Variants in EXOC4 observed in about 807,000 individuals in gnomAD.
EXOC4 encodes exocyst complex component 4.
Under a neutral mutation model 107.2 loss-of-function variants are expected in EXOC4, and 71 were observed. That is an observed-to-expected ratio of 0.66 (90% CI 0.55 to 0.81). EXOC4 has a LOEUF of 0.81. Ranked by LOEUF, EXOC4 falls within the 30% of genes least tolerant of loss-of-function variation. The pLI, the probability that EXOC4 is intolerant of heterozygous loss-of-function variation, is 0.00. For synonymous variants in EXOC4, 456 were observed against 441.2 expected, an observed-to-expected ratio of 1.03 and a Z score of -0.42; for missense variants, 1,108 against 1,189.6, an observed-to-expected ratio of 0.93 and a Z score of 1.01.
chr7:133,265,502 C>T (rs867362414), intron 1 of EXOC4, among the ~76,000 whole-genome samples: 63 of 151,944 alleles, frequency 4.1e-4, no homozygotes, highest in Admixed American at 2.0e-3. Flanking sequence ...GGCAGGGATT[C>T]GGTGACATAG....
At chr7:134,081,789 TTTGGAGGTGAAGGG>T in the EXOC4 span, among the ~76,000 whole-genome samples, 7 of 151,974 alleles carry the variant, frequency 4.6e-5, no homozygotes, top group African/African-American at 1.2e-4. Context: ...GAGAAGCAGG[TTTGGAGGTGAAGGG>T]TTGGAGGTGA....
chr7:133,378,324 A>AG (rs1377024583), intron 7 of EXOC4, among the ~76,000 whole-genome samples: 1 of 151,028 alleles, frequency 6.6e-6, no homozygotes, highest in Non-Finnish European at 1.5e-5. Context: ...AAAAAAAAAA[A>AG]AGAGTTTTTC....
In EXOC4 at chr7:133,257,357, TAC is replaced by T. The variant is rs1236569840; in HGVS notation, c.86+4177_86+4178del. Among the ~76,000 whole-genome samples, 4 of 136,804 alleles carry T rather than the reference TAC, an allele frequency of 2.9e-5. No homozygotes were observed. In the East Asian group the frequency reaches 6.0e-4, roughly 21 times the overall value. 89.7% of individuals were successfully genotyped at this position (136,804 alleles called of 152,430 possible). On this transcript the variant is annotated intron_variant, in intron 1 of 17. Transcript: ENST00000253861. ...CTGCTGATGTACAATTTGGATGGTT[TAC>T]ACACACGCACACACACACACACACA...
At chr7:133,829,705 G>T (rs1242056268) in intron 11 of EXOC4, among the ~76,000 whole-genome samples, 1 of 152,184 alleles carries the variant, frequency 6.6e-6, no homozygotes, top group African/African-American at 2.4e-5. Context: ...CCTCACCTCT[G>T]TGTCCACAGG....
intron 1 of EXOC4, among the ~76,000 whole-genome samples, chr7:133,270,890 C>T (rs1287012444): frequency 1.3e-5 from 2 of 151,490 alleles, no homozygotes; most frequent in Non-Finnish European, 2.9e-5. Flanking sequence ...GAACTTTCTC[C>T]CTGGAATTAG....
At chr7:134,078,448 T>G in the EXOC4 span, among the ~76,000 whole-genome samples, 1 of 152,162 alleles carries the variant, frequency 6.6e-6, no homozygotes, top group African/African-American at 2.4e-5. Context: ...GATGTCTAAT[T>G]ATCTCACTGG....
chr7:133,734,940 G>C lies in EXOC4; in HGVS notation c.1515-82385G>C, dbSNP rs796093953. 2.6e-5 allele frequency among the ~76,000 whole-genome samples: 4 copies of C among 151,534 alleles called. 1 individual carries two copies. The highest frequency in any genetic ancestry group is 6.6e-5 in the Admixed American group (1 of 15,210). On this transcript the variant is annotated intron_variant, in intron 10 of 17. Coordinates refer to ENST00000253861, the MANE Select transcript of EXOC4 (RefSeq NM_021807.4). ...TCGTAAATGTTAAAGGCCAGGCACG[G>C]TGGCTCACGCCTGTAATCCCAGCAC...
At chr7:133,989,222 A>G (rs1394087596) in intron 14 of EXOC4, among the ~76,000 whole-genome samples, 2 of 152,236 alleles carry the variant, frequency 1.3e-5, no homozygotes, top group Non-Finnish European at 2.9e-5. Flanking sequence ...TTGATGTATC[A>G]CCTATAAAAA....
At chr7:133,636,182 T>C (rs996429124) in intron 10 of EXOC4, among the ~76,000 whole-genome samples, 45 of 152,198 alleles carry the variant, frequency 3.0e-4, no homozygotes, top group Non-Finnish European at 7.3e-5. Context: ...TTGATGACAG[T>C]GTCTTGGTAG....
chr7:133,943,373 TTA>T (rs1800476137), intron 14 of EXOC4, among the ~76,000 whole-genome samples: 1 of 152,212 alleles, frequency 6.6e-6, no homozygotes. Flanking sequence ...CCTATTGATG[TTA>T]ACTAATGCTA....
chr7:133,597,631 C>T (rs1400793705), intron 9 of EXOC4, among the ~76,000 whole-genome samples: 6 of 150,488 alleles, frequency 4.0e-5, no homozygotes, highest in Non-Finnish European at 5.9e-5. Flanking sequence ...GATCATTCTT[C>T]GGCTATACAG....
intron 10 of EXOC4, among the ~76,000 whole-genome samples, chr7:133,638,797 A>G (rs950633037): frequency 6.6e-6 from 1 of 152,214 alleles, no homozygotes; most frequent in Non-Finnish European, 1.5e-5. Flanking sequence ...ACCTAAAATC[A>G]GCATGACTTT....
intron 10 of EXOC4, among the ~76,000 whole-genome samples, chr7:133,806,902 A>G (rs1292080241): frequency 6.6e-6 from 1 of 152,190 alleles, no homozygotes; most frequent in African/African-American, 2.4e-5. Flanking sequence ...ATTACTTAAA[A>G]CAATGCTGGC....
intron 3 of EXOC4, among the ~76,000 whole-genome samples, chr7:133,300,002 A>C (rs1023524288): frequency 6.6e-6 from 1 of 152,092 alleles, no homozygotes; most frequent in African/African-American, 2.4e-5. Flanking sequence ...ACATGCAGTA[A>C]CCCTGGCAGT....
chr7:133,789,794 C>T (rs954131051), intron 10 of EXOC4, among the ~76,000 whole-genome samples: 4 of 152,136 alleles, frequency 2.6e-5, no homozygotes, highest in African/African-American at 7.2e-5. Context: ...TAAGAATACA[C>T]TGTTGCTAAA....
intron 14 of EXOC4, among the ~76,000 whole-genome samples, chr7:133,951,228 C>A (rs935999604): frequency 6.6e-6 from 1 of 152,228 alleles, no homozygotes; most frequent in African/African-American, 2.4e-5. Flanking sequence ...ACATCTGTTA[C>A]ACTCCTGCCT....
rs67720946 is a variant in EXOC4, at chr7:133,941,821, TTC to T, written c.2206+3781_2206+3782del. ...GTCAGGTCCCAGGCATGCTTACAGA[TTC>T]TCTCTCTCTCTCTCTCTCTCTCTCT... On this transcript the variant is annotated intron_variant, in intron 14 of 17. Coordinates refer to ENST00000253861, the MANE Select transcript of EXOC4 (RefSeq NM_021807.4). 1.6e-3 allele frequency among the ~76,000 whole-genome samples: 201 copies of T among 129,272 alleles called. 1 individual carries two copies. Among genetic ancestry groups the T allele is most frequent in the South Asian group, 3.3e-3 (13 of 3,942 alleles). The allele number at this position is 129,272 out of a possible 152,430, so 84.8% of individuals were successfully genotyped here.
Position 134,014,644 on chromosome 7 carries a change from A to C in EXOC4, c.2687+6809A>C, listed in dbSNP as rs1470536266. On this transcript the variant is annotated intron_variant, in intron 17 of 17. Coordinates refer to ENST00000253861, the MANE Select transcript of EXOC4 (RefSeq NM_021807.4). ...AGGGGTCGAAAGGAAATGGGGAAAT[A>C]GATAGAGGAGTCTTTGGGGGGTGAT... Among the ~76,000 whole-genome samples, 3 of 152,164 alleles carry C rather than the reference A, an allele frequency of 2.0e-5. No individual in the cohort carries two copies. In the East Asian group the frequency reaches 5.8e-4, roughly 29 times the overall value.
At chr7:133,547,345 C>T (rs1800501496) in intron 9 of EXOC4, among the ~76,000 whole-genome samples, 1 of 152,152 alleles carries the variant, frequency 6.6e-6, no homozygotes, top group Admixed American at 6.5e-5. Context: ...AGCAAATTGT[C>T]ATCTTTTTGC....
Sources: gnomAD v4.1 joint callset for allele counts (sites outside exome capture counted in the v4.1 genomes callset) on GRCh38, gnomAD v4.1.1 for gene constraint, MANE v1.5 for transcripts, NCBI Gene and HGNC (gene_info 2026-07-23, HGNC 2026-07-21) for gene names.